The following GPR137B variants were observed in gnomAD, a reference collection of about 807,000 sequenced individuals.
GPR137B encodes integral membrane protein GPR137B.
GPR137B carries 42 observed loss-of-function variants against 42.5 expected under a neutral mutation model. The ratio of observed to expected loss-of-function variants is 0.99; its 90% confidence interval spans 0.77 to 1.28. The LOEUF (loss-of-function observed/expected upper bound fraction) is 1.28, where lower values mean the gene tolerates loss of function less well. Among genes scored for constraint, GPR137B ranks in the 50% most tolerant of loss-of-function variants. GPR137B has a pLI of 0.00. For synonymous variants in GPR137B, 218 were observed against 209.7 expected (o/e 1.04, Z -0.34); for missense variants, 487 against 493.9 (o/e 0.99, Z 0.13).
chr1:236,204,071 T>C (rs575551197), intron 5 of GPR137B, among the ~76,000 whole-genome samples: 2 of 152,282 alleles, frequency 1.3e-5, no homozygotes, highest in East Asian at 3.9e-4. Context: ...GCTTGTATTA[T>C]GTTGAGGTAT....
At chr1:236,178,330 C>T in intron 2 of GPR137B, 84 bp from the exon 3 acceptor site, 1 of 795,044 alleles carries the variant, frequency 1.3e-6, no homozygotes, top group Admixed American at 1.9e-5. Context: ...GTGTCTGCTT[C>T]TAGCAGTTCA....
intron 5 of GPR137B, among the ~76,000 whole-genome samples, chr1:236,188,811 G>C (rs1663109105): frequency 1.3e-5 from 2 of 152,172 alleles, no homozygotes; most frequent in Non-Finnish European, 2.9e-5. Flanking sequence ...CCAGGTTTTG[G>C]TATTAGGATG....
intron 1 of GPR137B, among the ~76,000 whole-genome samples, chr1:236,159,685 G>C (rs576648497): frequency 1.3e-5 from 2 of 152,176 alleles, no homozygotes; most frequent in African/African-American, 4.8e-5. Context: ...TCAGTGACGC[G>C]TGAACAGACT....
chr1:236,158,501 T>G (rs993722237), intron 1 of GPR137B, among the ~76,000 whole-genome samples: 1 of 152,252 alleles, frequency 6.6e-6, no homozygotes, highest in Admixed American at 6.5e-5. Context: ...CATGAGTATT[T>G]GCTGTTATTT....
In GPR137B at chr1:236,178,553, T is replaced by C. The variant is rs773621305; in HGVS notation, c.604T>C (p.Phe202Leu). 2 of 1,613,266 alleles carry C rather than the reference T, an allele frequency of 1.2e-6. No homozygotes were observed. Among genetic ancestry groups the C allele is most frequent in the Non-Finnish European group, 1.7e-6 (2 of 1,179,730 alleles). The change falls in exon 3 of 7, where the codon TTC becomes CTC. Residue 202 changes from phenylalanine to leucine, a missense_variant. By Grantham distance (22) the Phe-to-Leu change is conservative. Coordinates refer to ENST00000366592, the MANE Select transcript of GPR137B (RefSeq NM_003272.4). ...GCGAGTGGCCATTAATGACACGCTC[T>C]TCGTGCTGTGTGCCGTCTCTCTCTC... is the stretch of plus-strand genomic sequence containing the variant. Reference protein sequence around the residue: ...SVRVAINDTLFVLCAVSLSIC... With the variant: ...SVRVAINDTLLVLCAVSLSIC...
At chr1:236,181,169 AGTT>A (rs1662861913) in intron 4 of GPR137B, among the ~76,000 whole-genome samples, 1 of 152,208 alleles carries the variant, frequency 6.6e-6, no homozygotes, top group Non-Finnish European at 1.5e-5. Flanking sequence ...TCATGGCACT[AGTT>A]GTTGCAATAT....
chr1:236,205,935 A>G (rs1572014035), intron 6 of GPR137B, among the ~76,000 whole-genome samples: 1 of 152,234 alleles, frequency 6.6e-6, no homozygotes, highest in African/African-American at 2.4e-5. Flanking sequence ...TGTCTATGGA[A>G]TCACTCAATG....
chr1:236,179,533 C>G (rs924147799), intron 3 of GPR137B, among the ~76,000 whole-genome samples: 32 of 152,174 alleles, frequency 2.1e-4, no homozygotes, highest in African/African-American at 7.7e-4. Flanking sequence ...GGCTCACCTG[C>G]TGCGTGTGGA....
intron 1 of GPR137B, among the ~76,000 whole-genome samples, chr1:236,146,566 C>T (rs572618208): frequency 3.3e-5 from 5 of 152,176 alleles, no homozygotes; most frequent in African/African-American, 4.8e-5. Context: ...GGTACTGTTA[C>T]CCCCCAACTG....
chr1:236,156,254 A>G lies in GPR137B; in HGVS notation c.415-12452A>G, dbSNP rs1284455466. On this transcript the variant is annotated intron_variant, in intron 1 of 6. Coordinates refer to ENST00000366592, the MANE Select transcript of GPR137B (RefSeq NM_003272.4). The surrounding 1 kb of genome is among the most constrained non-coding windows in gnomAD (Gnocchi z 4.8). ...AGCTTCTTGGGCCACATGCTTGCCA[A>G]AGTCAAAGGTGGGAGGTGATGCGGT... Among the ~76,000 whole-genome samples the G allele has an allele frequency of 6.6e-6, 1 of 152,202 alleles. No homozygotes were observed. The highest frequency in any genetic ancestry group is 1.5e-5 in the Non-Finnish European group (1 of 68,040).
chr1:236,184,869 C>T (rs576686654), intron 5 of GPR137B, among the ~76,000 whole-genome samples: 2 of 152,162 alleles, frequency 1.3e-5, no homozygotes, highest in East Asian at 1.9e-4. Context: ...CGGGTTTAAG[C>T]GATTCTCCTG....
Position 236,162,792 on chromosome 1 carries a change from G to A in GPR137B, c.415-5914G>A, listed in dbSNP as rs186347905. Among the ~76,000 whole-genome samples the A allele has an allele frequency of 1.1e-3, 161 of 152,372 alleles. 1 individual carries two copies. The highest frequency in any genetic ancestry group is 3.8e-3 in the African/African-American group (156 of 41,590). ...TAGATTCCAGAAGATGTATGGAAAT[G>A]CCTGGATGCCCAGGCAAAAGTTTGC... On this transcript the variant is annotated intron_variant, in intron 1 of 6. Transcript: ENST00000366592.
At chr1:236,183,715 G>T in intron 4 of GPR137B, 63 bp from the exon 5 acceptor site, 1 of 1,260,578 alleles carries the variant, frequency 7.9e-7, no homozygotes, top group Non-Finnish European at 1.1e-6. Flanking sequence ...ACATTAGAAA[G>T]AAACAATCAA....
At chr1:236,148,756 T>C (rs1478742451) in intron 1 of GPR137B, among the ~76,000 whole-genome samples, 2 of 152,006 alleles carry the variant, frequency 1.3e-5, no homozygotes, top group African/African-American at 2.4e-5. Flanking sequence ...CTGCGGCTCA[T>C]GGTAGGGGCT....
intron 5 of GPR137B, among the ~76,000 whole-genome samples, chr1:236,186,223 A>AATAT (rs61307821): frequency 0.072 from 3,929 of 54,908 alleles, 1,015 homozygotes; most frequent in African/African-American, 0.28. Context: ...TATTATATAT[A>AATAT]ATATAATATA....
chr1:236,172,405 G>C (rs1005776666), intron 2 of GPR137B, among the ~76,000 whole-genome samples: 4 of 152,184 alleles, frequency 2.6e-5, no homozygotes, highest in African/African-American at 9.7e-5. Context: ...ATCTATTCCT[G>C]TAGTAATTCA....
At chr1:236,204,461 G>A (rs898884964) in intron 5 of GPR137B, among the ~76,000 whole-genome samples, 4 of 152,258 alleles carry the variant, frequency 2.6e-5, no homozygotes, top group Admixed American at 2.0e-4. Flanking sequence ...ATTAGTTTGA[G>A]TATGACTGAC....
At chr1:236,157,255 C>T (rs1322667557) in intron 1 of GPR137B, among the ~76,000 whole-genome samples, 10 of 151,032 alleles carry the variant, frequency 6.6e-5, no homozygotes, top group East Asian at 2.0e-4. Context: ...GACGGAGTCC[C>T]GCTCAGTCGC....
intron 5 of GPR137B, among the ~76,000 whole-genome samples, chr1:236,202,365 G>A (rs1663516678): frequency 6.6e-6 from 1 of 152,058 alleles, no homozygotes; most frequent in African/African-American, 2.4e-5. Flanking sequence ...GTCCTGAGGT[G>A]GTTGGCCTCC....
Sources: gnomAD v4.1 joint callset for allele counts (sites outside exome capture counted in the v4.1 genomes callset) on GRCh38, gnomAD v4.1.1 for gene constraint, Gnocchi (gnomAD v3.1) non-coding constraint, MANE v1.5 for transcripts, NCBI Gene and HGNC (gene_info 2026-07-23, HGNC 2026-07-21) for gene names.